The following ANKRD30B variants were observed in gnomAD, a reference collection of about 807,000 sequenced individuals.
ANKRD30B encodes the protein ankyrin repeat domain-containing protein 30B.
A neutral mutation model predicts 202.2 loss-of-function variants in ANKRD30B; 144 were observed. The ratio of observed to expected loss-of-function variants is 0.71; its 90% CI spans 0.62 to 0.82. The LOEUF is 0.82. Ranked by LOEUF, ANKRD30B falls within the 40% of genes least tolerant of loss-of-function variation. The pLI is 0.00. For synonymous variants in ANKRD30B, 508 were observed against 561.3 expected, an observed-to-expected ratio of 0.91 and a Z score of 1.34; for missense variants, 1,487 against 1,669.1, an observed-to-expected ratio of 0.89 and a Z score of 1.90.
chr18:14,909,699 G>A, the ANKRD30B span, among the ~76,000 whole-genome samples: 59 of 152,256 alleles, frequency 3.9e-4, no homozygotes, highest in African/African-American at 1.3e-3. Context: ...GAGTCACTGC[G>A]CCTGACTGGA....
chr18:14,785,536 TTAAAAG>T (rs1968024963), intron 14 of ANKRD30B, among the ~76,000 whole-genome samples: 1 of 152,202 alleles, frequency 6.6e-6, no homozygotes, highest in Non-Finnish European at 1.5e-5. Context: ...TTATTAGAAA[TTAAAAG>T]TAAAATATTT....
rs748802784 is a variant in ANKRD30B, at chr18:14,808,430, C to A, written c.2285-121C>A. 1.0e-5 allele frequency: 11 copies of A among 1,077,838 alleles called. No individual in the cohort carries two copies. The Admixed American group carries it at 1.8e-4, about 18-fold the overall frequency. 66.8% of individuals were successfully genotyped at this position (1,077,838 alleles called of 1,614,324 possible). On this transcript the variant is annotated intron_variant, in intron 24 of 43. Transcript: ENST00000690538. ...ACAAAAACCCAAAAGACCCCAAAAC[C>A]TAGTGTAATCCCTTTTCAATCCAAG...
Position 14,826,693 on chromosome 18 carries a change from T to TCACACA in ANKRD30B, c.2744-1556_2744-1551dup, listed in dbSNP as rs61497414. ...CTCTCTCCCCCTCTCTCTCTCTCTC[T>TCACACA]CACACACACACACACACACACACAC... On this transcript the variant is annotated intron_variant, in intron 32 of 43. Transcript: ENST00000690538. Among the ~76,000 whole-genome samples the TCACACA allele has an allele frequency of 6.8e-3, 846 of 125,036 alleles. 7 individuals are homozygous for TCACACA. Among genetic ancestry groups the TCACACA allele is most frequent in the African/African-American group, 0.02 (681 of 34,360 alleles). 82.0% of individuals were successfully genotyped at this position (125,036 alleles called of 152,430 possible). A position where few individuals can be genotyped will look rare whatever the true frequency, so the allele number is the denominator to read the frequency against.
chr18:14,792,746 ATATG>A (rs1372053007), intron 16 of ANKRD30B, among the ~76,000 whole-genome samples: 6 of 134,562 alleles, frequency 4.5e-5, no homozygotes, highest in Non-Finnish European at 8.2e-5. Context: ...ATATATATAT[ATATG>A]TATATATTTT....
intron 26 of ANKRD30B, 50 bp downstream of exon 26, chr18:14,808,794 T>C: frequency 7.1e-7 from 1 of 1,405,800 alleles, no homozygotes; most frequent in South Asian, 1.4e-5. Flanking sequence ...TATTAAACTA[T>C]TTGAAATGCC....
chr18:14,768,676 G>C (rs1272204486), intron 7 of ANKRD30B, among the ~76,000 whole-genome samples: 1 of 152,196 alleles, frequency 6.6e-6, no homozygotes, highest in Non-Finnish European at 1.5e-5. Context: ...TGTGGCATGA[G>C]AGCAGAGGGA....
intron 18 of ANKRD30B, 138 bp from the exon 19 acceptor site, chr18:14,797,523 C>T: frequency 1.0e-6 from 1 of 981,332 alleles, no homozygotes; most frequent in Non-Finnish European, 1.6e-6. Context: ...ATACAATAAC[C>T]CAAAGGACCC....
chr18:14,827,987 T>A (rs1030848458), intron 32 of ANKRD30B, among the ~76,000 whole-genome samples: 20 of 152,236 alleles, frequency 1.3e-4, no homozygotes, highest in Non-Finnish European at 2.6e-4. Flanking sequence ...AAGAATGCTT[T>A]GTAACAAATC....
chr18:14,797,019 G>C (rs1190857759), intron 18 of ANKRD30B, among the ~76,000 whole-genome samples: 3 of 152,178 alleles, frequency 2.0e-5, no homozygotes, highest in African/African-American at 7.2e-5. Context: ...TGATTAGCAA[G>C]ATATTAATCA....
In ANKRD30B at chr18:14,784,370, T is replaced by G. The variant is rs1232874526; in HGVS notation, c.1599+6T>G. 1.9e-6 allele frequency: 3 copies of G among 1,612,856 alleles called. No individual in the cohort carries two copies. Among genetic ancestry groups the G allele is most frequent in the African/African-American group, 2.7e-5 (2 of 75,020 alleles). ...AGAAGCCATCTGCCTTCAAGGTATT[T>G]AGTTTTATGGTTTCATTTTGAATGA... On this transcript the variant is annotated splice_donor_region_variant and intron_variant, in intron 13 of 43. Transcript: ENST00000690538.
chr18:14,778,018 T>A lies in ANKRD30B; in HGVS notation c.1363T>A (p.Cys455Ser). Residue 455 changes from cysteine (C) to serine (S), a missense_variant, in exon 10 of 44, where the codon TGT becomes AGT. Around this residue, in one of 6 missense-constraint regions of ANKRD30B, gnomAD observed 889 missense variants for 841.4 expected, o/e 1.06. Coordinates refer to ENST00000690538, the MANE Select transcript of ANKRD30B (RefSeq NM_001367607.2). ...TAAGAGTGCTGCACAGAATTATACG[T>A]GTTTACCTGATGCTACATATCAAAA... Reference protein sequence around the residue: ...ISKSAAQNYTCLPDATYQKDI... With the variant: ...ISKSAAQNYTSLPDATYQKDI... The A allele has an allele frequency of 6.5e-7, 1 of 1,548,996 alleles. No individual in the cohort carries two copies. The highest frequency in any genetic ancestry group is 8.7e-7 in the Non-Finnish European group (1 of 1,144,838).
At chr18:14,791,588 T>A (rs1453552434) in intron 16 of ANKRD30B, 97 bp downstream of exon 16, 2 of 925,072 alleles carry the variant, frequency 2.2e-6, no homozygotes, top group Non-Finnish European at 1.6e-6. Flanking sequence ...AATTACCTCC[T>A]TAATGCAAAG....
intron 24 of ANKRD30B, among the ~76,000 whole-genome samples, chr18:14,807,943 A>G (rs1969624346): frequency 6.6e-6 from 1 of 151,136 alleles, no homozygotes; most frequent in East Asian, 1.9e-4. Context: ...CCTATATCAC[A>G]GAGTATCAAA....
intron 6 of ANKRD30B, among the ~76,000 whole-genome samples, chr18:14,760,845 C>G (rs1229053501): frequency 6.6e-6 from 1 of 151,924 alleles, no homozygotes; most frequent in African/African-American, 2.4e-5. Context: ...TTTATAATCT[C>G]AAAAAATATT....
chr18:14,825,641 G>T (rs1970627448), intron 32 of ANKRD30B, among the ~76,000 whole-genome samples: 1 of 151,852 alleles, frequency 6.6e-6, no homozygotes, highest in Admixed American at 6.6e-5. Flanking sequence ...TTCCAAGAAG[G>T]TTTGTGTCTA....
At chr18:14,777,188 G>A (rs1316640318) in intron 9 of ANKRD30B, among the ~76,000 whole-genome samples, 2 of 152,170 alleles carry the variant, frequency 1.3e-5, no homozygotes, top group Non-Finnish European at 2.9e-5. Flanking sequence ...AAGATAAAAG[G>A]TAAGTGTGAT....
chr18:14,784,006 A>G (rs1967918872), intron 12 of ANKRD30B, among the ~76,000 whole-genome samples: 1 of 152,266 alleles, frequency 6.6e-6, no homozygotes. Context: ...AATAATATAA[A>G]TGATTTTAAT....
At chr18:14,875,944 A>G in the ANKRD30B span, among the ~76,000 whole-genome samples, 1 of 152,072 alleles carries the variant, frequency 6.6e-6, no homozygotes, top group African/African-American at 2.4e-5. Flanking sequence ...CTGCTACATC[A>G]TAGTAGAGGC....
intron 29 of ANKRD30B, 39 bp from the exon 30 acceptor site, chr18:14,814,582 T>G: frequency 8.1e-7 from 1 of 1,239,588 alleles, no homozygotes. Flanking sequence ...TTATTGGGAT[T>G]TCTCCATTGA....
Sources: allele counts gnomAD v4.1 joint callset (sites outside exome capture counted in the v4.1 genomes callset), GRCh38; gene constraint gnomAD v4.1.1; regional missense constraint gnomAD v4.1.1; transcripts MANE v1.5; gene names NCBI Gene and HGNC (gene_info 2026-07-23, HGNC 2026-07-21).